SERPINI1: variants seen among roughly 807,000 people sequenced by gnomAD.
SERPINI1 encodes the protein serpin family I member 1.
SERPINI1 carries 19 observed loss-of-function variants against 41.1 expected under a neutral mutation model. That is an observed-to-expected ratio of 0.46 (90% confidence interval 0.32 to 0.68). SERPINI1 has a LOEUF of 0.68. SERPINI1 is among the 30% of genes least tolerant of loss of function. The pLI is 0.03. For synonymous variants in SERPINI1, 138 were observed against 156.6 expected, an observed-to-expected ratio of 0.88 and a Z score of 0.89; for missense variants, 460 against 479.2, an observed-to-expected ratio of 0.96 and a Z score of 0.37.
intron 1 of SERPINI1, among the ~76,000 whole-genome samples, chr3:167,783,580 C>T (rs1727210659): frequency 6.6e-6 from 1 of 151,974 alleles, no homozygotes; most frequent in Non-Finnish European, 1.5e-5. Flanking sequence ...AGTGTACTAC[C>T]AAGAAGAGAG....
At chr3:167,768,904 C>A (rs146702165) in intron 1 of SERPINI1, among the ~76,000 whole-genome samples, 1 of 152,308 alleles carries the variant, frequency 6.6e-6, no homozygotes, top group Non-Finnish European at 1.5e-5. Flanking sequence ...TCATTTGCTG[C>A]AGACCAGCTT....
chr3:167,746,393 CAA>C (rs1030871979), intron 1 of SERPINI1, among the ~76,000 whole-genome samples: 31 of 152,142 alleles, frequency 2.0e-4, no homozygotes, highest in African/African-American at 7.5e-4. Flanking sequence ...ACCAAAAGTA[CAA>C]GAGACATAAT....
chr3:167,824,129 C>G (rs1325303299), intron 7 of SERPINI1, among the ~76,000 whole-genome samples: 2 of 152,160 alleles, frequency 1.3e-5, no homozygotes, highest in Non-Finnish European at 2.9e-5. Context: ...TCCTTTTACT[C>G]AAAAGTCATT....
At chr3:167,823,905 C>T (rs1239401465) in intron 7 of SERPINI1, among the ~76,000 whole-genome samples, 1 of 152,140 alleles carries the variant, frequency 6.6e-6, no homozygotes, top group Admixed American at 6.5e-5. Flanking sequence ...TAATGAGGAT[C>T]TCAGGGGAAT....
At chr3:167,804,570 T>A (rs1241393350) in intron 5 of SERPINI1, among the ~76,000 whole-genome samples, 1 of 152,206 alleles carries the variant, frequency 6.6e-6, no homozygotes, top group African/African-American at 2.4e-5. Flanking sequence ...TGGTGTTTTA[T>A]GTCTGTAGTC....
intron 1 of SERPINI1, among the ~76,000 whole-genome samples, chr3:167,763,212 T>A (rs1726442323): frequency 6.6e-6 from 1 of 152,150 alleles, no homozygotes; most frequent in Admixed American, 6.5e-5. Context: ...CAAATTGATG[T>A]TAGGCAATAA....
chr3:167,747,637 A>C (rs1013765847), intron 1 of SERPINI1, among the ~76,000 whole-genome samples: 4 of 147,186 alleles, frequency 2.7e-5, no homozygotes, highest in African/African-American at 7.5e-5. Flanking sequence ...GAGCGAGACT[A>C]CGTCTCAAAA....
At chr3:167,824,021 T>G (rs1360673249) in intron 7 of SERPINI1, among the ~76,000 whole-genome samples, 1 of 152,224 alleles carries the variant, frequency 6.6e-6, no homozygotes, top group African/African-American at 2.4e-5. Flanking sequence ...ACTTCCTATG[T>G]AAAAATACCC....
chr3:167,818,050 A>AG (rs1313872654), intron 6 of SERPINI1, among the ~76,000 whole-genome samples: 1 of 151,590 alleles, frequency 6.6e-6, no homozygotes, highest in African/African-American at 2.4e-5. Flanking sequence ...TTTGAGATGG[A>AG]GTTTCACTCT....
intron 4 of SERPINI1, 58 bp downstream of exon 4, chr3:167,792,842 G>C: frequency 7.2e-7 from 1 of 1,393,902 alleles, no homozygotes; most frequent in Non-Finnish European, 1.0e-6. Context: ...AGATTTCTAA[G>C]AAAAACATGA....
chr3:167,822,882 T>G, intron 6 of SERPINI1, 104 bp from the exon 7 acceptor site: 1 of 707,838 alleles, frequency 1.4e-6, no homozygotes, highest in Non-Finnish European at 2.6e-6. Context: ...TAGGTTTTCT[T>G]CAGTATCCCA....
chr3:167,743,815 A>G (rs572806448), intron 1 of SERPINI1, among the ~76,000 whole-genome samples: 25 of 152,272 alleles, frequency 1.6e-4, no homozygotes, highest in African/African-American at 6.0e-4. Flanking sequence ...GTAGAAAGCC[A>G]GAAGGAGAAG....
At chr3:167,739,842 A>C (rs1270873550) in intron 1 of SERPINI1, among the ~76,000 whole-genome samples, 1 of 152,176 alleles carries the variant, frequency 6.6e-6, no homozygotes, top group Non-Finnish European at 1.5e-5. Flanking sequence ...AGAATTAAGA[A>C]TCTAATGTAA....
At position 167,822,588 on chromosome 3, in the gene SERPINI1, T is replaced by G. The variant is rs73878787; in HGVS notation, c.980-398T>G. ...AATATTAGGTTAAAAAAGGAAAAAA[T>G]TTTTTATTCTGGCTGTTTCTGAATT... On this transcript the variant is annotated intron_variant, in intron 6 of 8. Transcript: ENST00000446050. 7.0e-4 allele frequency among the ~76,000 whole-genome samples: 107 copies of G among 152,146 alleles called. 1 individual carries two copies. Among genetic ancestry groups the G allele is most frequent in the African/African-American group, 2.3e-3 (96 of 41,482 alleles).
At chr3:167,807,132 T>C (rs1711676162) in intron 5 of SERPINI1, 112 bp from the exon 6 acceptor site, 2 of 765,736 alleles carry the variant, frequency 2.6e-6, no homozygotes, top group Non-Finnish European at 4.6e-6. Flanking sequence ...AGTTTTAGCA[T>C]AATTTACTCT....
At chr3:167,803,296 T>TAAAA (rs1711512927) in intron 5 of SERPINI1, among the ~76,000 whole-genome samples, 2 of 150,662 alleles carry the variant, frequency 1.3e-5, no homozygotes, top group African/African-American at 4.9e-5. Context: ...AATAAATAAA[T>TAAAA]AAATAAATAA....
intron 1 of SERPINI1, among the ~76,000 whole-genome samples, chr3:167,761,357 A>G (rs755305381): frequency 2.6e-5 from 4 of 152,250 alleles, no homozygotes; most frequent in Non-Finnish European, 4.4e-5. Context: ...TAATAAAACT[A>G]AATTCCCAAT....
intron 1 of SERPINI1, among the ~76,000 whole-genome samples, chr3:167,764,564 G>A (rs1726498964): frequency 6.6e-6 from 1 of 152,114 alleles, no homozygotes; most frequent in South Asian, 2.1e-4. Context: ...ATGAGATTTG[G>A]GTGGGGACAC....
At chr3:167,811,979 T>C (rs1468933415) in intron 6 of SERPINI1, among the ~76,000 whole-genome samples, 1 of 152,230 alleles carries the variant, frequency 6.6e-6, no homozygotes, top group African/African-American at 2.4e-5. Flanking sequence ...AAATAGCATA[T>C]GTGATTTAGC....
Sources: allele counts gnomAD v4.1 joint callset (sites outside exome capture counted in the v4.1 genomes callset), GRCh38; gene constraint gnomAD v4.1.1; transcripts MANE v1.5; gene names NCBI Gene and HGNC (gene_info 2026-07-23, HGNC 2026-07-21).